Variants in CRISP2 observed in about 807,000 individuals in gnomAD.
CRISP2 encodes cysteine rich secretory protein 2.
In CRISP2, 29 loss-of-function variants were observed where a neutral mutation model predicts 31.7. The ratio of observed to expected loss-of-function variants is 0.92; its 90% CI spans 0.68 to 1.25. The LOEUF (loss-of-function observed/expected upper bound fraction) is 1.25, where lower values mean the gene tolerates loss of function less well. Among genes scored for constraint, CRISP2 ranks in the 50% most tolerant of loss-of-function variants. The pLI, the probability that CRISP2 is intolerant of heterozygous loss-of-function variation, is 0.00. For missense variants in CRISP2, 318 were observed against 286.5 expected (o/e 1.11, Z -0.79); for synonymous variants, 111 against 101.4 (o/e 1.09, Z -0.57).
chr6:49,682,990 C>G, the CRISP2 span, among the ~76,000 whole-genome samples: 1 of 151,828 alleles, frequency 6.6e-6, no homozygotes, highest in Non-Finnish European at 1.5e-5. Context: ...GAAACCCCAT[C>G]TCTATTAAAA....
chr6:49,698,994 A>T (rs1263343408), intron 6 of CRISP2, among the ~76,000 whole-genome samples: 4 of 152,130 alleles, frequency 2.6e-5, no homozygotes, highest in Non-Finnish European at 4.4e-5. Context: ...TGACACCAGG[A>T]AGGATAACAG....
intron 6 of CRISP2, among the ~76,000 whole-genome samples, chr6:49,699,360 T>C (rs771127229): frequency 6.6e-6 from 1 of 152,186 alleles, no homozygotes; most frequent in South Asian, 2.1e-4. Context: ...ATAAGTTCAA[T>C]ATATTTTATG....
At chr6:49,683,796 G>T in the CRISP2 span, among the ~76,000 whole-genome samples, 306 of 139,250 alleles carry the variant, frequency 2.2e-3, 1 homozygote, top group African/African-American at 7.7e-3. Flanking sequence ...TGAACTAAAG[G>T]TTTTAAATGT....
downstream of CRISP2, among the ~76,000 whole-genome samples, chr6:49,689,278 A>G (rs567352119): frequency 9.2e-5 from 14 of 152,322 alleles, no homozygotes; most frequent in Admixed American, 2.0e-4. Flanking sequence ...AAATTATATT[A>G]CAGACATCAA....
the CRISP2 span, among the ~76,000 whole-genome samples, chr6:49,680,751 C>T: frequency 3.3e-5 from 5 of 152,174 alleles, no homozygotes; most frequent in South Asian, 1.0e-3. Context: ...TCTAATGATC[C>T]GTGATGTTGA....
At chr6:49,694,608 G>A (rs1764433368) in intron 9 of CRISP2, among the ~76,000 whole-genome samples, 1 of 152,108 alleles carries the variant, frequency 6.6e-6, no homozygotes, top group Admixed American at 6.5e-5. Context: ...GTTACCTAGG[G>A]TTTATGAGAG....
chr6:49,686,372 G>C, the CRISP2 span, among the ~76,000 whole-genome samples: 2 of 152,158 alleles, frequency 1.3e-5, no homozygotes, highest in African/African-American at 2.4e-5. Flanking sequence ...GAAATTGCTA[G>C]AAGCGAATTA....
At chr6:49,705,294 G>A (rs1268991406) in intron 4 of CRISP2, among the ~76,000 whole-genome samples, 6 of 152,068 alleles carry the variant, frequency 3.9e-5, no homozygotes, top group Non-Finnish European at 5.9e-5. Context: ...GTGGTGGAAA[G>A]CCAGAAGTGA....
chr6:49,677,355 G>C, the CRISP2 span, among the ~76,000 whole-genome samples: 1 of 152,266 alleles, frequency 6.6e-6, no homozygotes, highest in African/African-American at 2.4e-5. Flanking sequence ...GTATTAACGA[G>C]AGAGTGAGAA....
chr6:49,685,938 CT>C, the CRISP2 span, among the ~76,000 whole-genome samples: 1 of 152,080 alleles, frequency 6.6e-6, no homozygotes, highest in Non-Finnish European at 1.5e-5. Flanking sequence ...AGAAATATCA[CT>C]CCTCCCAACC....
intron 4 of CRISP2, among the ~76,000 whole-genome samples, chr6:49,701,913 A>G (rs1355992788): frequency 1.2e-4 from 2 of 17,352 alleles, no homozygotes; most frequent in Non-Finnish European, 1.8e-4. Flanking sequence ...TATGTATTAT[A>G]TATTATATTA....
rs1202915120 is a variant in CRISP2, at chr6:49,692,682, T to C, written c.*91A>G. The C allele has an allele frequency of 5.6e-6, 7 of 1,255,220 alleles. No individual in the cohort carries two copies. Among genetic ancestry groups the C allele is most frequent in the Non-Finnish European group, 7.6e-6 (7 of 925,218 alleles). The allele number at this position is 1,255,220 out of a possible 1,614,324, so 77.8% of individuals were successfully genotyped here. A position where few individuals can be genotyped will look rare whatever the true frequency, so the allele number is the denominator to read the frequency against. On this transcript the variant is annotated 3_prime_UTR_variant, in exon 10 of 10. Coordinates refer to ENST00000339139, the MANE Select transcript of CRISP2 (RefSeq NM_003296.4). ...GCATTGCTCTTTGAAATCAAATTTG[T>C]CACTAACATACATACAATTTCCACT...
the CRISP2 span, among the ~76,000 whole-genome samples, chr6:49,686,204 A>T: frequency 2.6e-5 from 4 of 152,202 alleles, no homozygotes; most frequent in Non-Finnish European, 4.4e-5. Flanking sequence ...AAATATCCTT[A>T]TTATTCATTT....
At chr6:49,693,868 C>T (rs1764306106) in intron 9 of CRISP2, among the ~76,000 whole-genome samples, 1 of 152,026 alleles carries the variant, frequency 6.6e-6, no homozygotes, top group African/African-American at 2.4e-5. Context: ...GTTGGGCTTC[C>T]TCCAAACAGC....
At position 49,698,493 on chromosome 6, in the gene CRISP2, C is replaced by T; in HGVS notation, c.286G>A (p.Glu96Lys). Reference protein sequence around the residue: ...EDRKTSTRCGENLYMSSDPTS... With the variant: ...EDRKTSTRCGKNLYMSSDPTS... ...GGGTCACTTGACATATAGAGATTCT[C>T]ACCACATCTTGTACCTAAGGGGCAG... is the stretch of plus-strand genomic sequence containing the variant. The change falls in exon 7 of 10, where the codon GAG (glutamate) becomes AAG (lysine). Residue 96 changes from glutamate to lysine, a missense_variant. Physicochemically the swap from Glu to Lys is moderately conservative, Grantham distance 56. Coordinates refer to ENST00000339139, the MANE Select transcript of CRISP2 (RefSeq NM_003296.4). 1 of 1,609,540 alleles carries T rather than the reference C, an allele frequency of 6.2e-7. No homozygotes were observed. The highest frequency in any genetic ancestry group is 8.5e-7 in the Non-Finnish European group (1 of 1,178,578).
intron 8 of CRISP2, among the ~76,000 whole-genome samples, chr6:49,696,758 G>GT (rs1764836389): frequency 6.6e-6 from 1 of 152,090 alleles, no homozygotes; most frequent in South Asian, 2.1e-4. Context: ...ACCAAGTGGG[G>GT]TAAGGACCCA....
chr6:49,688,162 A>G (rs982669654), downstream of CRISP2, among the ~76,000 whole-genome samples: 1 of 152,108 alleles, frequency 6.6e-6, no homozygotes, highest in Non-Finnish European at 1.5e-5. Flanking sequence ...CTTACTGTTC[A>G]CTCTTAGTTT....
the CRISP2 span, among the ~76,000 whole-genome samples, chr6:49,676,817 A>C: frequency 6.6e-6 from 1 of 152,132 alleles, no homozygotes; most frequent in Admixed American, 6.6e-5. Flanking sequence ...GGGGGATGTA[A>C]TCATCAGGAT....
chr6:49,694,060 G>T (rs1303864082), intron 9 of CRISP2, among the ~76,000 whole-genome samples: 1 of 152,178 alleles, frequency 6.6e-6, no homozygotes, highest in African/African-American at 2.4e-5. Context: ...GTCTGGGCTT[G>T]TTTGTACCTG....
Sources: allele counts gnomAD v4.1 joint callset (sites outside exome capture counted in the v4.1 genomes callset), GRCh38; gene constraint gnomAD v4.1.1; transcripts MANE v1.5; gene names NCBI Gene and HGNC (gene_info 2026-07-23, HGNC 2026-07-21).